Variants in RAD23A observed in about 807,000 individuals in gnomAD.
RAD23A encodes the protein RAD23 nucleotide excision repair protein A, also known as lysine-specific demethylase RAD23A.
Under a neutral mutation model 44.8 loss-of-function variants are expected in RAD23A, and 16 were observed. That is an observed-to-expected ratio of 0.36 (90% CI 0.24 to 0.54). The LOEUF is 0.54. Among genes scored for constraint, RAD23A ranks in the 20% least tolerant of loss-of-function variants. The pLI is 0.89. For missense variants in RAD23A, 380 were observed against 483.3 expected (o/e 0.79, Z 2.00); for synonymous variants, 217 against 202.9 (o/e 1.07, Z -0.59).
At chr19:12,951,455 T>C (rs1462068778) in intron 7 of RAD23A, among the ~76,000 whole-genome samples, 3 of 151,874 alleles carry the variant, frequency 2.0e-5, no homozygotes, top group Non-Finnish European at 4.4e-5. Context: ...TTGTTGTTTG[T>C]TTGTTTTTGA....
rs376322659 is a variant in RAD23A at position 12,953,540 on chromosome 19, C to G, written c.*491C>G. 3 of 153,824 alleles carry G rather than the reference C, an allele frequency of 2.0e-5. No individual in the cohort carries two copies. The highest frequency in any genetic ancestry group is 7.2e-5 in the African/African-American group (3 of 41,494). 9.5% of individuals were successfully genotyped at this position (153,824 alleles called of 1,614,324 possible). On this transcript the variant is annotated 3_prime_UTR_variant, in exon 9 of 9. Transcript: ENST00000586534. ...CCCCAGTCTGGCCTTGGCCTCCAGC[C>G]TGGAGAAGGGCTAACATCAGCTCAT...
At chr19:12,946,464 C>G (rs1298067986) in intron 1 of RAD23A, among the ~76,000 whole-genome samples, 1 of 152,190 alleles carries the variant, frequency 6.6e-6, no homozygotes, top group Non-Finnish European at 1.5e-5. Flanking sequence ...ATAAACGGGT[C>G]TCAGTCTTTA....
rs1261583691 is a variant in RAD23A at position 12,949,008 on chromosome 19, G to A, written c.601-73G>A. Reference sequence around the variant, plus strand: ...GGAGGGCAGGGCCGAGGCCTCATCTGTGTCCTGCCAGGGCATGGAGGAGGG... The same window carrying A: ...GGAGGGCAGGGCCGAGGCCTCATCTATGTCCTGCCAGGGCATGGAGGAGGG... On this transcript the variant is annotated intron_variant, in intron 5 of 8. Transcript: ENST00000586534. 4 of 1,556,874 alleles carry A rather than the reference G, an allele frequency of 2.6e-6. No individual in the cohort carries two copies. In the African/African-American group the frequency reaches 5.4e-5, roughly 21 times the overall value.
At position 12,946,787 on chromosome 19, in the gene RAD23A, A is replaced by C. The variant is rs569224835; in HGVS notation, c.72+767A>C. ...ATTGGGTACTTGGCGCTTTTTGCAT[A>C]GTGAGGGAGACATTGAAGTCCACTT... On this transcript the variant is annotated intron_variant, in intron 1 of 8. Coordinates refer to ENST00000586534, the MANE Select transcript of RAD23A (RefSeq NM_005053.4). Among the ~76,000 whole-genome samples, 89 of 152,346 alleles carry C rather than the reference A, an allele frequency of 5.8e-4. 1 individual carries two copies. Among genetic ancestry groups the C allele is most frequent in the African/African-American group, 2.1e-3 (87 of 41,602 alleles).
At chr19:12,951,415 CTT>C in intron 7 of RAD23A, among the ~76,000 whole-genome samples, 1 of 152,098 alleles carries the variant, frequency 6.6e-6, no homozygotes, top group East Asian at 1.9e-4. Flanking sequence ...TCCCCCTTCC[CTT>C]GTTCGCTGTT....
Position 12,953,256 on chromosome 19 carries a change from C to A in RAD23A, c.*207C>A. On this transcript the variant is annotated 3_prime_UTR_variant, in exon 9 of 9. Transcript: ENST00000586534. ...CCGGGCCAGACAGCTGTCCCCCCGT[C>A]CTCCTCCCCAGCCCAGCCTGCTCAG... The A allele has an allele frequency of 2.4e-6, 1 of 415,772 alleles. No individual in the cohort carries two copies. The highest frequency in any genetic ancestry group is 4.2e-6 in the Non-Finnish European group (1 of 240,166). The allele number at this position is 415,772 out of a possible 1,614,324, so 25.8% of individuals were successfully genotyped here.
chr19:12,950,069 G>C (rs1391430059), intron 7 of RAD23A, among the ~76,000 whole-genome samples: 2 of 152,028 alleles, frequency 1.3e-5, no homozygotes, highest in African/African-American at 2.4e-5. Context: ...CAGTCTGTAT[G>C]GGAACCCCCA....
chr19:12,949,078 CAG>C lies in RAD23A; in HGVS notation c.601-2_601-1del. ...CATTAGAACTAAACAGGACCCCTGA[CAG>C]GGAATTCCTGGGAGCCCCGAGCCGG... On this transcript the variant is annotated splice_acceptor_variant, in intron 5 of 8. Transcript: ENST00000586534. LOFTEE classifies it high-confidence loss of function. 1 of 1,611,096 alleles carries C rather than the reference CAG, an allele frequency of 6.2e-7. No individual in the cohort carries two copies. The highest frequency in any genetic ancestry group is 1.3e-5 in the African/African-American group (1 of 74,966).
In RAD23A at chr19:12,949,478, A is replaced by G. The variant is rs1371268042; in HGVS notation, c.813+70A>G. The G allele has an allele frequency of 3.2e-6, 5 of 1,571,994 alleles. No individual in the cohort carries two copies. The African/African-American group carries it at 6.8e-5, about 21-fold the overall frequency. ...CTTCCCTGTGGGCACCAGAGTCCAT[A>G]ACACGTAGGAATCGTTCTAGGTCCG... On this transcript the variant is annotated intron_variant, in intron 7 of 8. Coordinates refer to ENST00000586534, the MANE Select transcript of RAD23A (RefSeq NM_005053.4).
rs1278285133 is a variant in RAD23A at position 12,948,396 on chromosome 19, C to G, written c.416+38C>G. On this transcript the variant is annotated intron_variant, in intron 3 of 8. Coordinates refer to ENST00000586534, the MANE Select transcript of RAD23A (RefSeq NM_005053.4). The surrounding 1 kb of genome is among the most constrained non-coding windows in gnomAD (Gnocchi z 5.5). Reference sequence around the variant, plus strand: ...CAGCAGTCCCAGCTTGGGCCCTGTCCTCCTAGCACATTCCAGCGTCCACAT... The same window carrying G: ...CAGCAGTCCCAGCTTGGGCCCTGTCGTCCTAGCACATTCCAGCGTCCACAT... 1 of 1,548,774 alleles carries G rather than the reference C, an allele frequency of 6.5e-7. No individual in the cohort carries two copies. The highest frequency in any genetic ancestry group is 2.3e-5 in the East Asian group (1 of 44,300).
At chr19:12,950,513 T>C (rs969009312) in intron 7 of RAD23A, among the ~76,000 whole-genome samples, 1 of 152,126 alleles carries the variant, frequency 6.6e-6, no homozygotes, top group Non-Finnish European at 1.5e-5. Flanking sequence ...CAAGCGATTC[T>C]TTTGCCCCCG....
chr19:12,951,849 C>T (rs2974755), intron 7 of RAD23A, among the ~76,000 whole-genome samples: 90,239 of 152,094 alleles, frequency 0.59, 27,313 homozygotes, highest in East Asian at 0.8. Context: ...CCTCTGCATC[C>T]GCCATACTGC....
chr19:12,946,074 T>TGG, intron 1 of RAD23A, 54 bp downstream of exon 1: 7 of 131,760 alleles, frequency 5.3e-5, no homozygotes, highest in Admixed American at 1.6e-4. Context: ...GGGGGTGGGG[T>TGG]GGGGGCGGGG....
intron 7 of RAD23A, among the ~76,000 whole-genome samples, chr19:12,949,978 T>C (rs1350398226): frequency 2.8e-4 from 42 of 151,740 alleles, no homozygotes. Context: ...TCCTCTCACT[T>C]CTCAGTCCCT....
chr19:12,947,803 G>A, intron 1 of RAD23A, 45 bp from the exon 2 acceptor site: 1 of 1,594,772 alleles, frequency 6.3e-7, no homozygotes. Context: ...GAAGGGAAAA[G>A]AGAATCTTGG....
chr19:12,948,872 C>T lies in RAD23A; in HGVS notation c.600+59C>T. ...TGAGGGAGTACCCGGGCGTCACTGC[C>T]CTGATGGGCGGTTGGGAAGGCAAAA... is the stretch of plus-strand genomic sequence containing the variant. On this transcript the variant is annotated intron_variant, in intron 5 of 8. Transcript: ENST00000586534. The surrounding 1 kb of genome is among the most constrained non-coding windows in gnomAD (Gnocchi z 5.5). 2 of 1,560,656 alleles carry T rather than the reference C, an allele frequency of 1.3e-6. No homozygotes were observed. The highest frequency in any genetic ancestry group is 1.2e-5 in the South Asian group (1 of 83,714).
intron 5 of RAD23A, 38 bp from the exon 6 acceptor site, chr19:12,949,043 G>A (rs1295982964): frequency 1.9e-6 from 3 of 1,593,664 alleles, no homozygotes; most frequent in Non-Finnish European, 2.6e-6. Flanking sequence ...GTGGCAGCAG[G>A]AGGTCTGTGC....
chr19:12,950,610 C>T (rs975079132), intron 7 of RAD23A, among the ~76,000 whole-genome samples: 1 of 152,112 alleles, frequency 6.6e-6, no homozygotes, highest in Non-Finnish European at 1.5e-5. Context: ...ACCCTGTTAG[C>T]CAGGATGGTC....
rs1178670632 is a variant in RAD23A, at chr19:12,948,028, C to T, written c.234+19C>T. On this transcript the variant is annotated intron_variant, in intron 2 of 8. Coordinates refer to ENST00000586534, the MANE Select transcript of RAD23A (RefSeq NM_005053.4). This position sits in a 1 kb window ranked among gnomAD's most constrained non-coding sequence, Gnocchi z 5.5. ...GACCAAGGTGGGTGACGTGTGCTGG[C>T]TGGGAGGGTGGGTGGACGAGCTGGG... 2.5e-6 allele frequency: 4 copies of T among 1,611,728 alleles called. No homozygotes were observed. The highest frequency in any genetic ancestry group is 3.4e-6 in the Non-Finnish European group (4 of 1,179,170).
Sources: gnomAD v4.1 joint callset for allele counts (sites outside exome capture counted in the v4.1 genomes callset) on GRCh38, gnomAD v4.1.1 for gene constraint, Gnocchi (gnomAD v3.1) non-coding constraint, MANE v1.5 for transcripts, NCBI Gene and HGNC (gene_info 2026-07-23, HGNC 2026-07-21) for gene names.